SLC39A7: variants seen among roughly 807,000 people sequenced by gnomAD.
SLC39A7 encodes solute carrier family 39 member 7, also known as zinc transporter SLC39A7.
In SLC39A7, 25 loss-of-function variants were observed where a neutral mutation model predicts 39.7. The ratio of observed to expected loss-of-function variants is 0.63; its 90% CI spans 0.46 to 0.88. SLC39A7 has a LOEUF of 0.88. SLC39A7 is among the 40% of genes least tolerant of loss of function. SLC39A7 has a pLI of 0.00. For synonymous variants in SLC39A7, 181 were observed against 234.1 expected (o/e 0.77, Z 2.07); for missense variants, 501 against 592.1 (o/e 0.85, Z 1.60).
chr6:33,201,574 A>G lies in SLC39A7; in HGVS notation c.329A>G (p.His110Arg), dbSNP rs755946808. 1 of 1,614,108 alleles carries G rather than the reference A, an allele frequency of 6.2e-7. No homozygotes were observed. The highest frequency in any genetic ancestry group is 8.5e-7 in the Non-Finnish European group (1 of 1,179,984). The stretch of plus-strand genomic sequence containing the variant: ...TACCACAGAGGACATGGACATGACC[A>G]TGAGCATAGCCATGGAGGCTATGGG... The part of the protein sequence containing the change: ...SLYHRGHGHD[H>R]EHSHGGYGES... The change falls in exon 1 of 7, where the codon CAT becomes CGT. Residue 110 changes from histidine to arginine, a missense_variant. Physicochemically the swap from His to Arg is conservative, Grantham distance 29. Coordinates refer to ENST00000374677, the MANE Select transcript of SLC39A7 (RefSeq NM_006979.3). The surrounding 1 kb of genome is among the most constrained non-coding windows in gnomAD (Gnocchi z 5.9).
chr6:33,201,202 T>A lies in SLC39A7; in HGVS notation c.-44T>A. 1 of 1,565,362 alleles carries A rather than the reference T, an allele frequency of 6.4e-7. No homozygotes were observed. The highest frequency in any genetic ancestry group is 8.6e-7 in the Non-Finnish European group (1 of 1,157,516). On this transcript the variant is annotated 5_prime_UTR_variant, in exon 1 of 7. The change creates a new upstream start codon in the 5' untranslated region. Coordinates refer to ENST00000374677, the MANE Select transcript of SLC39A7 (RefSeq NM_006979.3). This position sits in a 1 kb window ranked among gnomAD's most constrained non-coding sequence, Gnocchi z 5.9. ...AAGCGGACCCTGTGTAGGTATAGAG[T>A]TGAGTCAAGTGGAGTCACTGCCTCT...
intron 5 of SLC39A7, 82 bp downstream of exon 5, chr6:33,202,782 G>A: frequency 6.4e-7 from 1 of 1,551,360 alleles, no homozygotes; most frequent in Non-Finnish European, 8.7e-7. Flanking sequence ...GTAATGGCAG[G>A]TATCTGAGAA....
At position 33,202,950 on chromosome 6, in the gene SLC39A7, G is replaced by C. The variant is rs1774725527; in HGVS notation, c.981G>C (p.Leu327Phe). The change falls in exon 6 of 7, where the codon TTG (leucine) becomes TTC (phenylalanine). Residue 327 changes from leucine (L) to phenylalanine (F), a missense_variant. Physicochemically the swap from Leu to Phe is conservative, Grantham distance 22. Coordinates refer to ENST00000374677, the MANE Select transcript of SLC39A7 (RefSeq NM_006979.3). ...GGTACCTGAATCTGGCTGCTGACTT[G>C]GCACACAACTTCACTGATGGTCTGG... ...VSGYLNLAAD[L>F]AHNFTDGLAI... The C allele has an allele frequency of 1.9e-6, 3 of 1,611,798 alleles. No individual in the cohort carries two copies. Among genetic ancestry groups the C allele is most frequent in the Non-Finnish European group, 2.5e-6 (3 of 1,179,696 alleles).
rs371100921 is a variant in SLC39A7 at position 33,201,837 on chromosome 6, A to C, written c.504A>C (p.Leu168=). The C allele has an allele frequency of 2.4e-4, 389 of 1,612,620 alleles. No homozygotes were observed. The highest frequency in any genetic ancestry group is 3.2e-4 in the Non-Finnish European group (374 of 1,179,890). Residue 168 remains leucine, a synonymous_variant, in exon 2 of 7, where the codon CTA becomes CTC. Coordinates refer to ENST00000374677, the MANE Select transcript of SLC39A7 (RefSeq NM_006979.3). The surrounding 1 kb of genome is among the most constrained non-coding windows in gnomAD (Gnocchi z 5.9). ...VESNSPRHRS[L]LQILLSFASG... ...CGAACTCTCCCCGGCATCGCTCTCT[A>C]CTTCAGATCTTGCTCAGTTTTGCTT...
rs772352401 is a variant in SLC39A7, at chr6:33,202,655, G to A, written c.895G>A (p.Gly299Arg). Residue 299 changes from glycine to arginine, a missense_variant, in exon 5 of 7, where the codon GGG becomes AGG. Coordinates refer to ENST00000374677, the MANE Select transcript of SLC39A7 (RefSeq NM_006979.3). Reference protein sequence around the residue: ...RRGGSTVPKDGPVRPQNAEEE... With the variant: ...RRGGSTVPKDRPVRPQNAEEE... ...AGGAGGGAGCACAGTACCCAAAGATGGGCCAGTGAGACCTCAGAACGCTGA... is the reference window on the plus strand; with the variant it reads ...AGGAGGGAGCACAGTACCCAAAGATAGGCCAGTGAGACCTCAGAACGCTGA... 3 of 1,609,026 alleles carry A rather than the reference G, an allele frequency of 1.9e-6. No individual in the cohort carries two copies. The highest frequency in any genetic ancestry group is 1.7e-6 in the Non-Finnish European group (2 of 1,179,044).
chr6:33,201,587 T>C lies in SLC39A7; in HGVS notation c.342T>C (p.His114=), dbSNP rs780094022. 25 of 1,613,250 alleles carry C rather than the reference T, an allele frequency of 1.5e-5. No homozygotes were observed. In the East Asian group the frequency reaches 2.9e-4, roughly 19 times the overall value. Residue 114 remains histidine (H), a synonymous_variant, in exon 1 of 7, where the codon CAT becomes CAC. Transcript: ENST00000374677. The surrounding 1 kb of genome is among the most constrained non-coding windows in gnomAD (Gnocchi z 5.9). ...RGHGHDHEHS[H]GGYGESGAPG... is the part of the protein sequence containing the mutation. ...ATGGACATGACCATGAGCATAGCCA[T>C]GGAGGCTATGGGGAGTCTGGGGCTC... is the stretch of plus-strand genomic sequence containing the variant.
chr6:33,202,770 G>C, intron 5 of SLC39A7, 70 bp downstream of exon 5: 1 of 1,557,490 alleles, frequency 6.4e-7, no homozygotes, highest in Non-Finnish European at 8.7e-7. Flanking sequence ...TATGTGCTGT[G>C]GGTAATGGCA....
Position 33,203,608 on chromosome 6 carries a change from AAGG to A in SLC39A7, c.1211_1213del (p.Gly404del). 6.2e-7 allele frequency: 1 copy of A among 1,614,160 alleles called. No individual in the cohort carries two copies. Among genetic ancestry groups the A allele is most frequent in the Non-Finnish European group, 8.5e-7 (1 of 1,179,990 alleles). On this transcript the variant is annotated inframe_deletion, in exon 7 of 7. Coordinates refer to ENST00000374677, the MANE Select transcript of SLC39A7 (RefSeq NM_006979.3). Reference sequence around the variant, plus strand: ...GGCACAGCCTGTGCCCTTCTCACTGAAGGAGGAGCAGTGGGCAGTGAAATTGCA... The same window carrying A: ...GGCACAGCCTGTGCCCTTCTCACTGAAGGAGCAGTGGGCAGTGAAATTGCA...
intron 4 of SLC39A7, 64 bp from the exon 5 acceptor site, chr6:33,202,496 C>T: frequency 6.3e-7 from 1 of 1,599,258 alleles, no homozygotes; most frequent in African/African-American, 1.3e-5. Context: ...TTATGGCCCT[C>T]AGGAGGGAGA....
chr6:33,203,924 C>G lies in SLC39A7; in HGVS notation c.*111C>G. ...CATCTGCCAAAGGAAGGAACTGTAG[C>G]CTGGGAGAATGGTTACTTTGGCATT... On this transcript the variant is annotated 3_prime_UTR_variant, in exon 7 of 7. Coordinates refer to ENST00000374677, the MANE Select transcript of SLC39A7 (RefSeq NM_006979.3). 1 of 1,097,726 alleles carries G rather than the reference C, an allele frequency of 9.1e-7. No homozygotes were observed. The highest frequency in any genetic ancestry group is 1.3e-6 in the Non-Finnish European group (1 of 753,340). The allele number at this position is 1,097,726 out of a possible 1,614,324, so 68.0% of individuals were successfully genotyped here. A position where few individuals can be genotyped will look rare whatever the true frequency, so the allele number is the denominator to read the frequency against.
rs973302325 is a variant in SLC39A7 at position 33,204,254 on chromosome 6, G to T, written c.*441G>T. 1 of 475,364 alleles carries T rather than the reference G, an allele frequency of 2.1e-6. No individual in the cohort carries two copies. The highest frequency in any genetic ancestry group is 3.7e-5 in the Admixed American group (1 of 26,688). The allele number at this position is 475,364 out of a possible 1,614,324, so 29.4% of individuals were successfully genotyped here. A position where few individuals can be genotyped will look rare whatever the true frequency, so the allele number is the denominator to read the frequency against. ...CAGAGAGGGTAACAGGAGGAGTCGG[G>T]GATAAACATCAAACATCAATCGTGT... is the stretch of plus-strand genomic sequence containing the variant. On this transcript the variant is annotated 3_prime_UTR_variant, in exon 7 of 7. Transcript: ENST00000374677.
rs1774832901 is a variant in SLC39A7, at chr6:33,204,144, A to T, written c.*331A>T. On this transcript the variant is annotated 3_prime_UTR_variant, in exon 7 of 7. Coordinates refer to ENST00000374677, the MANE Select transcript of SLC39A7 (RefSeq NM_006979.3). Reference sequence around the variant, plus strand: ...TACCCCACCTGTTCTCGGAGAACCAAGTTGCTACACAGGAAGTTCTCCAAG... The same window carrying T: ...TACCCCACCTGTTCTCGGAGAACCATGTTGCTACACAGGAAGTTCTCCAAG... The T allele has an allele frequency of 2.0e-6, 1 of 506,218 alleles. No homozygotes were observed. The allele number at this position is 506,218 out of a possible 1,614,324, so 31.4% of individuals were successfully genotyped here.
Position 33,201,021 on chromosome 6 carries a change from GTC to G in SLC39A7, c.-223_-222del. 1 of 758,752 alleles carries G rather than the reference GTC, an allele frequency of 1.3e-6. No individual in the cohort carries two copies. Among genetic ancestry groups the G allele is most frequent in the South Asian group, 1.5e-5 (1 of 67,190 alleles). The allele number at this position is 758,752 out of a possible 1,614,324, so 47.0% of individuals were successfully genotyped here. On this transcript the variant is annotated 5_prime_UTR_variant, in exon 1 of 7. It removes the in-frame stop codon of an upstream open reading frame in the 5' UTR. Coordinates refer to ENST00000374677, the MANE Select transcript of SLC39A7 (RefSeq NM_006979.3). This position sits in a 1 kb window ranked among gnomAD's most constrained non-coding sequence, Gnocchi z 5.9. ...AGTCGTAGAGACGAGGGCCCAGAGAGTCTGTAAAGTGGCTGGTGAAAGATTAG... is the reference window on the plus strand; with the variant it reads ...AGTCGTAGAGACGAGGGCCCAGAGAGTGTAAAGTGGCTGGTGAAAGATTAG...
rs758514072 is a variant in SLC39A7 at position 33,201,617 on chromosome 6, C to T, written c.372C>T (p.Gly124=). 8 of 1,612,034 alleles carry T rather than the reference C, an allele frequency of 5.0e-6. No homozygotes were observed. The African/African-American group carries it at 1.1e-4, about 22-fold the overall frequency. ...GCTATGGGGAGTCTGGGGCTCCAGG[C>T]ATCAAGCAGGACCTGGATGCTGTCA... ...HGGYGESGAP[G]IKQDLDAVTL... is the part of the protein sequence containing the mutation. Residue 124 remains glycine (G), a synonymous_variant, in exon 1 of 7, where the codon GGC becomes GGT. Coordinates refer to ENST00000374677, the MANE Select transcript of SLC39A7 (RefSeq NM_006979.3). The surrounding 1 kb of genome is among the most constrained non-coding windows in gnomAD (Gnocchi z 5.9).
chr6:33,203,946 C>T lies in SLC39A7; in HGVS notation c.*133C>T, dbSNP rs570964534. ...TAGCCTGGGAGAATGGTTACTTTGG[C>T]ATTAGGGCCTTCAAGGGCTGGCAGT... On this transcript the variant is annotated 3_prime_UTR_variant, in exon 7 of 7. Coordinates refer to ENST00000374677, the MANE Select transcript of SLC39A7 (RefSeq NM_006979.3). 1.3e-4 allele frequency: 108 copies of T among 862,968 alleles called. No individual in the cohort carries two copies. In the African/African-American group the frequency reaches 1.8e-3, roughly 14 times the overall value. The allele number at this position is 862,968 out of a possible 1,614,324, so 53.5% of individuals were successfully genotyped here.
Position 33,204,167 on chromosome 6 carries a change from A to G in SLC39A7, c.*354A>G. The G allele has an allele frequency of 2.1e-6, 1 of 477,444 alleles. No individual in the cohort carries two copies. Among genetic ancestry groups the G allele is most frequent in the Non-Finnish European group, 3.8e-6 (1 of 263,592 alleles). The allele number at this position is 477,444 out of a possible 1,614,324, so 29.6% of individuals were successfully genotyped here. A position where few individuals can be genotyped will look rare whatever the true frequency, so the allele number is the denominator to read the frequency against. On this transcript the variant is annotated 3_prime_UTR_variant, in exon 7 of 7. Transcript: ENST00000374677. ...CAAGTTGCTACACAGGAAGTTCTCCAAGGTCCAGTTTCCTTTCTCCCACCA... is the reference window on the plus strand; with the variant it reads ...CAAGTTGCTACACAGGAAGTTCTCCGAGGTCCAGTTTCCTTTCTCCCACCA...
chr6:33,201,580 A>T lies in SLC39A7; in HGVS notation c.335A>T (p.His112Leu). The T allele has an allele frequency of 6.2e-7, 1 of 1,614,094 alleles. No individual in the cohort carries two copies. Among genetic ancestry groups the T allele is most frequent in the Non-Finnish European group, 8.5e-7 (1 of 1,179,958 alleles). Residue 112 changes from histidine to leucine, a missense_variant, in exon 1 of 7, where the codon CAT (histidine) becomes CTT (leucine). Transcript: ENST00000374677. The surrounding 1 kb of genome is among the most constrained non-coding windows in gnomAD (Gnocchi z 5.9). ...YHRGHGHDHEHSHGGYGESGA... is the reference protein window; with the variant it reads ...YHRGHGHDHELSHGGYGESGA... ...AGAGGACATGGACATGACCATGAGC[A>T]TAGCCATGGAGGCTATGGGGAGTCT...
In SLC39A7 at chr6:33,203,790, G is replaced by A; in HGVS notation, c.1387G>A (p.Val463Met). ...GCTGCTGGGGGGAGTTATCATGATG[G>A]TGCTGATTGCCCACCTTGAGTGAGG... is the stretch of plus-strand genomic sequence containing the variant. ...LGLLGGVIMM[V>M]LIAHLE The change falls in exon 7 of 7, where the codon GTG (valine) becomes ATG (methionine). Residue 463 changes from valine (V) to methionine (M), a missense_variant. Val to Met is a conservative substitution (Grantham distance 21). Transcript: ENST00000374677. 1.2e-6 allele frequency: 2 copies of A among 1,614,142 alleles called. No homozygotes were observed. Among genetic ancestry groups the A allele is most frequent in the Non-Finnish European group, 1.7e-6 (2 of 1,180,032 alleles).
rs1774512462 is a variant in SLC39A7 at position 33,201,196 on chromosome 6, A to G, written c.-50A>G. 1 of 1,545,842 alleles carries G rather than the reference A, an allele frequency of 6.5e-7. No homozygotes were observed. Among genetic ancestry groups the G allele is most frequent in the Admixed American group, 1.9e-5 (1 of 52,804 alleles). ...GGAGTAAAGCGGACCCTGTGTAGGT[A>G]TAGAGTTGAGTCAAGTGGAGTCACT... On this transcript the variant is annotated 5_prime_UTR_variant, in exon 1 of 7. Coordinates refer to ENST00000374677, the MANE Select transcript of SLC39A7 (RefSeq NM_006979.3). This position sits in a 1 kb window ranked among gnomAD's most constrained non-coding sequence, Gnocchi z 5.9.
Sources: allele counts gnomAD v4.1 joint callset, GRCh38; gene constraint gnomAD v4.1.1; non-coding constraint Gnocchi (gnomAD v3.1); transcripts MANE v1.5; gene names NCBI Gene and HGNC (gene_info 2026-07-23, HGNC 2026-07-21).